Variants in HIGD1C observed in about 807,000 individuals in gnomAD.
HIGD1C encodes the protein HIG1 domain family member 1C.
In HIGD1C, 11 loss-of-function variants were observed where a neutral mutation model predicts 13.1. That is an observed-to-expected ratio of 0.84 (90% CI 0.53 to 1.39). HIGD1C has a LOEUF of 1.39. Ranked by LOEUF, HIGD1C falls within the 40% of genes most tolerant of loss-of-function variation. The pLI, the probability that HIGD1C is intolerant of heterozygous loss-of-function variation, is 0.00. For synonymous variants in HIGD1C, 36 were observed against 37.7 expected, an observed-to-expected ratio of 0.95 and a Z score of 0.17; for missense variants, 110 against 112.0, an observed-to-expected ratio of 0.98 and a Z score of 0.08.
chr12:50,961,215 G>T, intron 2 of HIGD1C, 113 bp downstream of exon 4: 1 of 1,108,518 alleles, frequency 9.0e-7, no homozygotes. Flanking sequence ...AATGAGAGAG[G>T]GGTAGGAAAG....
Position 50,958,119 on chromosome 12 carries a change from T to C in HIGD1C, c.95-2849T>C, listed in dbSNP as rs551604025. Among the ~76,000 whole-genome samples the C allele has an allele frequency of 7.9e-5, 12 of 151,840 alleles. No individual in the cohort carries two copies. The South Asian group carries it at 2.5e-3, about 32-fold the overall frequency. On this transcript the variant is annotated intron_variant, in intron 1 of 2. Transcript: ENST00000398455. ...CCATGCCTGATCCTGTGTTCCTGAA[T>C]TGGAAGGCACTGTATATTGGTAAAG... is the stretch of plus-strand genomic sequence containing the variant.
chr12:50,971,223 T>A (rs17125137), downstream of HIGD1C, among the ~76,000 whole-genome samples: 23,136 of 152,060 alleles, frequency 0.15, 1,944 homozygotes, highest in South Asian at 0.27. Context: ...CCTATCCATG[T>A]CTTAATTCTC....
At chr12:50,962,183 C>T (rs898155562) in intron 2 of HIGD1C, among the ~76,000 whole-genome samples, 6 of 151,938 alleles carry the variant, frequency 3.9e-5, no homozygotes, top group African/African-American at 7.3e-5. Flanking sequence ...GTAAGGAGTT[C>T]GATACCAGCC....
chr12:50,941,604 C>T, the HIGD1C span, among the ~76,000 whole-genome samples: 2 of 152,170 alleles, frequency 1.3e-5, no homozygotes, highest in African/African-American at 4.8e-5. Flanking sequence ...TAGAAAAATG[C>T]TCCTACAAAT....
intron 1 of HIGD1C, among the ~76,000 whole-genome samples, chr12:50,957,615 T>C (rs1189701288): frequency 6.6e-6 from 1 of 151,456 alleles, no homozygotes; most frequent in Non-Finnish European, 1.5e-5. Flanking sequence ...CCAGGCATGG[T>C]GGCTCACGCC....
chr12:50,970,109 G>A (rs562217780), intron 2 of HIGD1C, among the ~76,000 whole-genome samples: 1 of 152,148 alleles, frequency 6.6e-6, no homozygotes, highest in African/African-American at 2.4e-5. Context: ...TACAAGTAGA[G>A]ACTGAATAAA....
intron 2 of HIGD1C, among the ~76,000 whole-genome samples, chr12:50,966,179 T>C (rs909106427): frequency 4.6e-5 from 7 of 152,138 alleles, no homozygotes; most frequent in African/African-American, 1.7e-4. Context: ...CAGGATCCCA[T>C]CATCCCCATT....
intron 2 of HIGD1C, among the ~76,000 whole-genome samples, chr12:50,964,983 A>G (rs1182539227): frequency 2.6e-5 from 4 of 152,188 alleles, no homozygotes; most frequent in Admixed American, 1.3e-4. Context: ...TTGGCCTCCC[A>G]AAGTGTTGGG....
chr12:50,957,695 G>A (rs1348968108), intron 1 of HIGD1C, among the ~76,000 whole-genome samples: 1 of 151,580 alleles, frequency 6.6e-6, no homozygotes, highest in Non-Finnish European at 1.5e-5. Context: ...GACCAGCCTG[G>A]CCAACATGGC....
chr12:50,954,135 C>T (rs770618967), intron 1 of HIGD1C, 43 bp downstream of exon 3: 1 of 1,151,702 alleles, frequency 8.7e-7, no homozygotes, highest in Non-Finnish European at 1.3e-6. Flanking sequence ...TGTAATAACA[C>T]AATGATGCCT....
chr12:50,938,516 C>T, the HIGD1C span, among the ~76,000 whole-genome samples: 31 of 152,280 alleles, frequency 2.0e-4, no homozygotes, highest in African/African-American at 7.5e-4. Flanking sequence ...AGGGCTGGTG[C>T]CCCACCAACT....
At chr12:50,943,131 C>T in the HIGD1C span, among the ~76,000 whole-genome samples, 1 of 151,964 alleles carries the variant, frequency 6.6e-6, no homozygotes, top group Admixed American at 6.6e-5. Context: ...TCCTAAAGTG[C>T]TGGGATTACA....
downstream of HIGD1C, among the ~76,000 whole-genome samples, chr12:50,972,277 A>G (rs893581280): frequency 3.9e-5 from 6 of 152,374 alleles, no homozygotes; most frequent in East Asian, 5.8e-4. Context: ...AAAACCCAGT[A>G]AGTTCCACAA....
intron 2 of HIGD1C, among the ~76,000 whole-genome samples, chr12:50,963,263 A>T (rs1317435407): frequency 6.6e-6 from 1 of 150,590 alleles, no homozygotes; most frequent in East Asian, 2.0e-4. Flanking sequence ...CCAGCTACTC[A>T]GGAGGCTGAA....
the HIGD1C span, chr12:50,931,329 GATTGA>G: frequency 6.6e-6 from 1 of 151,982 alleles, no homozygotes; most frequent in Admixed American, 6.6e-5. Flanking sequence ...ATAATTTATT[GATTGA>G]ATTAAGAAAT....
intron 2 of HIGD1C, among the ~76,000 whole-genome samples, chr12:50,969,172 T>C (rs1215842405): frequency 6.6e-6 from 1 of 151,700 alleles, no homozygotes; most frequent in Admixed American, 6.6e-5. Context: ...CGCACACCTA[T>C]AGTCCCAGCT....
chr12:50,937,998 G>A, the HIGD1C span, among the ~76,000 whole-genome samples: 3 of 152,180 alleles, frequency 2.0e-5, no homozygotes, highest in Non-Finnish European at 2.9e-5. Context: ...GTTGTGGACT[G>A]TACCTGGAAC....
At chr12:50,961,510 A>C (rs1176332908) in intron 2 of HIGD1C, among the ~76,000 whole-genome samples, 2 of 145,254 alleles carry the variant, frequency 1.4e-5, no homozygotes, top group African/African-American at 5.0e-5. Flanking sequence ...CTTAGGAAGA[A>C]GACATTTTTA....
chr12:50,955,131 A>C (rs1455102384), intron 1 of HIGD1C, among the ~76,000 whole-genome samples: 1 of 152,174 alleles, frequency 6.6e-6, no homozygotes. Flanking sequence ...ATCTCTACTA[A>C]AAATACAAAA....
Sources: gnomAD v4.1 joint callset for allele counts (sites outside exome capture counted in the v4.1 genomes callset) on GRCh38, gnomAD v4.1.1 for gene constraint, MANE v1.5 for transcripts, NCBI Gene and HGNC (gene_info 2026-07-23, HGNC 2026-07-21) for gene names.